IGFBP7: variants seen among roughly 807,000 people sequenced by gnomAD.
IGFBP7 encodes the protein insulin-like growth factor-binding protein 7.
In IGFBP7, 31 loss-of-function variants were observed where a neutral mutation model predicts 29.4. The observed-to-expected ratio is 1.05, with a 90% CI of 0.79 to 1.42. The LOEUF (loss-of-function observed/expected upper bound fraction) is 1.42. IGFBP7 is among the 40% of genes most tolerant of loss of function. The pLI, the probability that IGFBP7 is intolerant of heterozygous loss-of-function variation, is 0.00. For synonymous variants in IGFBP7, 172 were observed against 174.9 expected (o/e 0.98, Z 0.13); for missense variants, 393 against 395.5 (o/e 0.99, Z 0.05).
intron 2 of IGFBP7, among the ~76,000 whole-genome samples, chr4:57,040,468 T>C (rs1018280027): frequency 2.0e-5 from 3 of 152,174 alleles, no homozygotes; most frequent in African/African-American, 4.8e-5. Context: ...TTAACCCCTA[T>C]GCTATACTGT....
At chr4:57,051,894 A>C (rs770391711) in intron 1 of IGFBP7, among the ~76,000 whole-genome samples, 7 of 152,216 alleles carry the variant, frequency 4.6e-5, no homozygotes, top group Non-Finnish European at 8.8e-5. Context: ...TTAGACTTTC[A>C]TCAAGGAAGG....
intron 1 of IGFBP7, chr4:57,109,629 G>A: frequency 1.8e-6 from 1 of 555,514 alleles, no homozygotes; most frequent in Non-Finnish European, 3.1e-6. Flanking sequence ...TATACACCCG[G>A]CCCTCACTTT....
At chr4:57,103,589 A>G (rs28656154) in intron 1 of IGFBP7, among the ~76,000 whole-genome samples, 30,129 of 150,484 alleles carry the variant, frequency 0.2, 3,448 homozygotes, top group Middle Eastern at 0.25. Context: ...TACCTCATAC[A>G]CTTTTTTGTG....
intron 1 of IGFBP7, among the ~76,000 whole-genome samples, chr4:57,049,472 A>AC (rs1254850800): frequency 6.6e-6 from 1 of 151,962 alleles, no homozygotes; most frequent in Non-Finnish European, 1.5e-5. Flanking sequence ...CATGTTCATT[A>AC]CCCCTTCCAG....
intron 1 of IGFBP7, among the ~76,000 whole-genome samples, chr4:57,103,873 C>T (rs780083813): frequency 2.6e-5 from 4 of 151,672 alleles, no homozygotes; most frequent in Non-Finnish European, 5.9e-5. Flanking sequence ...GTTGCCCAGG[C>T]TGGCAATTTT....
intron 1 of IGFBP7, among the ~76,000 whole-genome samples, chr4:57,099,216 G>T (rs919973333): frequency 3.3e-5 from 5 of 152,152 alleles, no homozygotes; most frequent in Admixed American, 1.3e-4. Flanking sequence ...CAACATGAAA[G>T]AACAGGATGA....
intron 1 of IGFBP7, among the ~76,000 whole-genome samples, chr4:57,108,628 G>A (rs1222331135): frequency 7.9e-5 from 12 of 151,090 alleles, no homozygotes; most frequent in Non-Finnish European, 1.2e-4. Context: ...TGCAACCTCC[G>A]CCTCCCAGAT....
At chr4:57,046,970 A>AT (rs1358393687) in intron 1 of IGFBP7, among the ~76,000 whole-genome samples, 1 of 152,010 alleles carries the variant, frequency 6.6e-6, no homozygotes, top group Non-Finnish European at 1.5e-5. Flanking sequence ...TGCCTTCCCT[A>AT]TTTTTTATAA....
At chr4:57,109,703 A>T in intron 1 of IGFBP7, 174 bp downstream of exon 1, 1 of 756,758 alleles carries the variant, frequency 1.3e-6, no homozygotes, top group Non-Finnish European at 2.0e-6. Flanking sequence ...GGCGTCGCCC[A>T]CCGCTCCTGG....
chr4:57,083,332 A>C (rs1230743742), intron 1 of IGFBP7, among the ~76,000 whole-genome samples: 1 of 152,202 alleles, frequency 6.6e-6, no homozygotes, highest in Non-Finnish European at 1.5e-5. Context: ...AATTTTCAAA[A>C]AATTTGGCTA....
intron 1 of IGFBP7, among the ~76,000 whole-genome samples, chr4:57,079,092 G>A (rs1725299530): frequency 6.6e-6 from 1 of 152,202 alleles, no homozygotes. Flanking sequence ...CTATGCAAGT[G>A]AGGATCATTT....
chr4:57,054,430 C>T (rs1049414818), intron 1 of IGFBP7, among the ~76,000 whole-genome samples: 7 of 151,888 alleles, frequency 4.6e-5, no homozygotes, highest in Non-Finnish European at 1.5e-5. Context: ...GTCAGGAGAT[C>T]GAGACCATCC....
chr4:57,103,596 T>C (rs2109806045), intron 1 of IGFBP7, among the ~76,000 whole-genome samples: 1 of 152,180 alleles, frequency 6.6e-6, no homozygotes, highest in East Asian at 1.9e-4. Context: ...TACACTTTTT[T>C]GTGTGTGTGG....
intron 1 of IGFBP7, among the ~76,000 whole-genome samples, chr4:57,107,470 G>A (rs1726061565): frequency 6.6e-6 from 1 of 152,192 alleles, no homozygotes; most frequent in African/African-American, 2.4e-5. Flanking sequence ...ATGGCACTCT[G>A]TCCAGTTTGC....
chr4:57,089,458 A>T (rs1444543103), intron 1 of IGFBP7, among the ~76,000 whole-genome samples: 2 of 152,170 alleles, frequency 1.3e-5, no homozygotes, highest in African/African-American at 2.4e-5. Flanking sequence ...TTCAGATAGG[A>T]CTTCTTTCCA....
At position 57,105,795 on chromosome 4, in the gene IGFBP7, C is replaced by T. The variant is rs567242644; in HGVS notation, c.475+4082G>A. Among the ~76,000 whole-genome samples the T allele has an allele frequency of 2.0e-5, 3 of 152,200 alleles. No homozygotes were observed. The South Asian group carries it at 6.2e-4, about 32-fold the overall frequency. The stretch of plus-strand genomic sequence containing the variant: ...TATTAGTTGAAACAATGGCTGGATG[C>T]ATAGCTCTAGAAGAACAAATACATC... On this transcript the variant is annotated intron_variant, in intron 1 of 4. Transcript: ENST00000295666.
At chr4:57,050,607 C>T (rs1048961106) in intron 1 of IGFBP7, among the ~76,000 whole-genome samples, 8 of 152,014 alleles carry the variant, frequency 5.3e-5, no homozygotes, top group East Asian at 1.9e-4. Flanking sequence ...AATGGTGCTA[C>T]GATCATAGCT....
chr4:57,085,437 C>T (rs767517529), intron 1 of IGFBP7, among the ~76,000 whole-genome samples: 4 of 152,044 alleles, frequency 2.6e-5, no homozygotes, highest in Non-Finnish European at 5.9e-5. Context: ...TGTTCTTATT[C>T]GCTATTGTGT....
chr4:57,054,727 CT>C (rs1724606642), intron 1 of IGFBP7, among the ~76,000 whole-genome samples: 1 of 151,290 alleles, frequency 6.6e-6, no homozygotes. Flanking sequence ...TGATCTTCTA[CT>C]TCAGGAGAGC....
Sources: allele counts gnomAD v4.1 joint callset (sites outside exome capture counted in the v4.1 genomes callset), GRCh38; gene constraint gnomAD v4.1.1; transcripts MANE v1.5; gene names NCBI Gene and HGNC (gene_info 2026-07-23, HGNC 2026-07-21).